RNF216: variants seen among roughly 807,000 people sequenced by gnomAD.
The protein encoded by RNF216 is E3 ubiquitin-protein ligase RNF216.
In RNF216, 72 loss-of-function variants were observed where a neutral mutation model predicts 110.8. That is an observed-to-expected ratio of 0.65 (90% CI 0.54 to 0.79). The LOEUF is 0.79. RNF216 is among the 30% of genes least tolerant of loss of function. The probability of loss-of-function intolerance (pLI) is 0.00; values close to 1 mark genes in which losing one functional copy is unlikely to be tolerated. For missense variants in RNF216, 1,342 were observed against 1,141.2 expected (o/e 1.18, Z -2.54); for synonymous variants, 495 against 407.5 (o/e 1.21, Z -2.59).
chr7:5,780,869 T>C (rs1331173115), intron 1 of RNF216, among the ~76,000 whole-genome samples: 7 of 152,188 alleles, frequency 4.6e-5, no homozygotes, highest in East Asian at 1.9e-4. Flanking sequence ...CCAGGGTTGG[T>C]TGCAAGTGGC....
chr7:5,725,364 T>C lies in RNF216; in HGVS notation c.1464A>G (p.Gln488=). The C allele has an allele frequency of 6.2e-7, 1 of 1,613,668 alleles. No individual in the cohort carries two copies. The highest frequency in any genetic ancestry group is 1.3e-5 in the African/African-American group (1 of 75,034). The change falls in exon 8 of 17, where the codon CAA becomes CAG. Residue 488 remains glutamine (Q), a synonymous_variant. Transcript: ENST00000389902. ...ETSGKRKKRK[Q]MNQYSYIDFK... is the part of the protein sequence containing the mutation. The stretch of plus-strand genomic sequence containing the variant: ...AATCAATGTAAGAATACTGGTTCAT[T>C]TGTTTTCTCTTCTTCCTTTTTCCAC...
intron 10 of RNF216, among the ~76,000 whole-genome samples, 160 bp from the exon 11 acceptor site, chr7:5,715,350 T>C (rs1009610206): frequency 2.0e-5 from 3 of 152,236 alleles, no homozygotes; most frequent in Non-Finnish European, 2.9e-5. Context: ...TCGTGCTATA[T>C]AAATCTAGCT....
At chr7:5,756,154 G>A (rs1444595950) in intron 2 of RNF216, among the ~76,000 whole-genome samples, 1 of 152,068 alleles carries the variant, frequency 6.6e-6, no homozygotes, top group Non-Finnish European at 1.5e-5. Flanking sequence ...TATATGCACT[G>A]GCATTTCCCC....
chr7:5,687,801 G>C (rs1791084141), intron 13 of RNF216, among the ~76,000 whole-genome samples: 1 of 152,210 alleles, frequency 6.6e-6, no homozygotes, highest in Non-Finnish European at 1.5e-5. Context: ...GGTGCTAAGA[G>C]TTTTGCAAAC....
chr7:5,781,061 C>T (rs1329288925), intron 1 of RNF216, among the ~76,000 whole-genome samples: 2 of 152,196 alleles, frequency 1.3e-5, no homozygotes, highest in African/African-American at 4.8e-5. Flanking sequence ...CGCCAACTTT[C>T]GCGGAACACG....
At chr7:5,630,006 T>C (rs1432646967) in intron 15 of RNF216, among the ~76,000 whole-genome samples, 1 of 152,008 alleles carries the variant, frequency 6.6e-6, no homozygotes, top group Non-Finnish European at 1.5e-5. Context: ...AGCATCACCA[T>C]CCTGTGAAGA....
intron 13 of RNF216, among the ~76,000 whole-genome samples, chr7:5,694,534 T>C (rs1471480945): frequency 3.3e-5 from 5 of 152,230 alleles, no homozygotes; most frequent in African/African-American, 1.2e-4. Flanking sequence ...CAACATCTGC[T>C]ATGAGATCAG....
intron 13 of RNF216, among the ~76,000 whole-genome samples, chr7:5,682,532 C>G (rs536190845): frequency 6.6e-6 from 1 of 151,956 alleles, no homozygotes; most frequent in Non-Finnish European, 1.5e-5. Context: ...CTCAGCCACC[C>G]GAGTAGCTGG....
At chr7:5,665,792 C>T (rs972280847) in intron 13 of RNF216, among the ~76,000 whole-genome samples, 4 of 152,248 alleles carry the variant, frequency 2.6e-5, no homozygotes, top group Admixed American at 6.5e-5. Flanking sequence ...CTGTTTCTCT[C>T]GAATGGCTGT....
intron 5 of RNF216, among the ~76,000 whole-genome samples, chr7:5,736,240 G>A (rs1018907732): frequency 1.3e-5 from 2 of 152,166 alleles, no homozygotes; most frequent in Non-Finnish European, 2.9e-5. Context: ...GCCTCAGCCT[G>A]CCGAGTGCCT....
intron 15 of RNF216, among the ~76,000 whole-genome samples, chr7:5,637,310 G>A (rs1485113989): frequency 6.6e-6 from 1 of 152,168 alleles, no homozygotes; most frequent in African/African-American, 2.4e-5. Context: ...GGCTTTCTAT[G>A]TACAAAAAGC....
At chr7:5,750,919 T>C (rs114767113) in intron 3 of RNF216, among the ~76,000 whole-genome samples, 2,097 of 45,058 alleles carry the variant, frequency 0.047, 44 homozygotes, top group African/African-American at 0.15. Context: ...TTCTGTGCAG[T>C]TGATGGCGCT....
At chr7:5,778,274 C>A (rs1796892543) in intron 1 of RNF216, among the ~76,000 whole-genome samples, 1 of 152,202 alleles carries the variant, frequency 6.6e-6, no homozygotes, top group Admixed American at 6.5e-5. Flanking sequence ...CCACTGCAGG[C>A]TCTTCCCCAG....
intron 15 of RNF216, among the ~76,000 whole-genome samples, chr7:5,633,485 GAA>G (rs1324057940): frequency 6.6e-6 from 1 of 152,060 alleles, no homozygotes; most frequent in Non-Finnish European, 1.5e-5. Context: ...TGAGGCAGGA[GAA>G]TCACTTGAAC....
At chr7:5,747,746 CAAAAAAAAAAA>C (rs1207043505) in intron 3 of RNF216, among the ~76,000 whole-genome samples, 1 of 7,018 alleles carries the variant, frequency 1.4e-4, no homozygotes, top group Non-Finnish European at 2.4e-4. Context: ...GACTCCATCT[CAAAAAAAAAAA>C]AAAAAAAAAA....
chr7:5,648,545 G>A (rs1312051087), intron 14 of RNF216, among the ~76,000 whole-genome samples: 3 of 151,576 alleles, frequency 2.0e-5, no homozygotes, highest in Non-Finnish European at 4.4e-5. Flanking sequence ...TTAACACGGT[G>A]AAACCCCGTC....
chr7:5,625,906 G>A (rs1157170377), intron 15 of RNF216, among the ~76,000 whole-genome samples: 2 of 152,306 alleles, frequency 1.3e-5, no homozygotes, highest in East Asian at 3.9e-4. Flanking sequence ...GATGGGTTTG[G>A]ACTAAAAGGT....
At chr7:5,670,556 A>C (rs1789838771) in intron 13 of RNF216, among the ~76,000 whole-genome samples, 1 of 152,130 alleles carries the variant, frequency 6.6e-6, no homozygotes, top group African/African-American at 2.4e-5. Flanking sequence ...ATTTCACAGA[A>C]ATGTTTATGA....
At chr7:5,676,058 AG>A (rs1307071517) in intron 13 of RNF216, among the ~76,000 whole-genome samples, 1 of 150,844 alleles carries the variant, frequency 6.6e-6, no homozygotes, top group Non-Finnish European at 1.5e-5. Flanking sequence ...TCTGTTGCCC[AG>A]GCTAGAGTGC....
Sources: gnomAD v4.1 joint callset for allele counts (sites outside exome capture counted in the v4.1 genomes callset) on GRCh38, gnomAD v4.1.1 for gene constraint, MANE v1.5 for transcripts, NCBI Gene and HGNC (gene_info 2026-07-23, HGNC 2026-07-21) for gene names.